Variants in MGAT3 observed in about 807,000 individuals in gnomAD.
MGAT3 encodes beta-1,4-mannosyl-glycoprotein 4-beta-N-acetylglucosaminyltransferase, also known as GlcNAc-T III.
Under a neutral mutation model 29.8 loss-of-function variants are expected in MGAT3, and 9 were observed. The ratio of observed to expected loss-of-function variants is 0.30; its 90% CI spans 0.18 to 0.53. The LOEUF is 0.53. Ranked by LOEUF, MGAT3 falls within the 20% of genes least tolerant of loss-of-function variation. The probability of loss-of-function intolerance (pLI) is 0.96; values close to 1 mark genes in which losing one functional copy is unlikely to be tolerated. For synonymous variants in MGAT3, 397 were observed against 348.9 expected (o/e 1.14, Z -1.54); for missense variants, 557 against 769.5 (o/e 0.72, Z 3.27).
At chr22:39,471,377 G>T (rs933113452) in intron 1 of MGAT3, among the ~76,000 whole-genome samples, 2 of 152,160 alleles carry the variant, frequency 1.3e-5, no homozygotes, top group Non-Finnish European at 2.9e-5. Context: ...TTGCGGAGGG[G>T]CTGGCAACAG....
intron 1 of MGAT3, among the ~76,000 whole-genome samples, chr22:39,481,619 C>G (rs1006048038): frequency 1.3e-5 from 2 of 152,180 alleles, no homozygotes; most frequent in African/African-American, 4.8e-5. Context: ...CAGGGCTGCA[C>G]CATCCACTGG....
chr22:39,476,944 A>C (rs1855801921), intron 1 of MGAT3: 1 of 152,118 alleles, frequency 6.6e-6, no homozygotes, highest in Non-Finnish European at 1.5e-5. Flanking sequence ...TTGTTTCTTC[A>C]GTCTCGCCGG....
chr22:39,475,708 A>C (rs1928939269), intron 1 of MGAT3: 1 of 152,468 alleles, frequency 6.6e-6, no homozygotes, highest in Non-Finnish European at 1.5e-5. Flanking sequence ...CCATCTCTCC[A>C]GCGGTGCTGG....
At position 39,488,120 on chromosome 22, in the gene MGAT3, C is replaced by T. The variant is rs1929339228; in HGVS notation, c.773C>T (p.Thr258Ile). The change falls in exon 2 of 2, where the codon ACC becomes ATC. Residue 258 changes from threonine (T) to isoleucine (I), a missense_variant. Thr to Ile is a moderately conservative substitution (Grantham distance 89). This residue lies in a region of MGAT3 where 243 missense variants were observed against 444.0 expected (regional missense o/e 0.55). Coordinates refer to ENST00000341184, the MANE Select transcript of MGAT3 (RefSeq NM_002409.5). ...CCGCTCAAGTTCCGGGAGATGCTGA[C>T]CAATGGCACCTTCGAGTACATCCGC... ...PRPLKFREML[T>I]NGTFEYIRHK... is the part of the protein sequence containing the mutation. 1.2e-6 allele frequency: 2 copies of T among 1,612,998 alleles called. No individual in the cohort carries two copies. Among genetic ancestry groups the T allele is most frequent in the East Asian group, 2.2e-5 (1 of 44,864 alleles).
Position 39,488,926 on chromosome 22 carries a change from A to G in MGAT3, c.1579A>G (p.Lys527Glu), listed in dbSNP as rs369517346. Reference sequence around the variant, plus strand: ...CGAGGGAAGGCCGCCCGCCCGGGGCAAACTGGACGAGGCGGAAGTCTAGAG... The same window carrying G: ...CGAGGGAAGGCCGCCCGCCCGGGGCGAACTGGACGAGGCGGAAGTCTAGAG... The part of the protein sequence containing the change: ...GPEGRPPARG[K>E]LDEAEV The change falls in exon 2 of 2, where the codon AAA becomes GAA. Residue 527 changes from lysine (K) to glutamate (E), a missense_variant. Lys to Glu is a moderately conservative substitution (Grantham distance 56). Coordinates refer to ENST00000341184, the MANE Select transcript of MGAT3 (RefSeq NM_002409.5). The G allele has an allele frequency of 6.2e-7, 1 of 1,605,676 alleles. No individual in the cohort carries two copies. Among genetic ancestry groups the G allele is most frequent in the African/African-American group, 1.3e-5 (1 of 74,720 alleles).
Position 39,488,896 on chromosome 22 carries a change from G to C in MGAT3, c.1549G>C (p.Gly517Arg). The part of the protein sequence containing the change: ...STAAGGWRHR[G>R]PEGRPPARGK... ...GGCGGCGGGCGGGTGGCGCCACAGGGGTCCCGAGGGAAGGCCGCCCGCCCG... is the reference window on the plus strand; with the variant it reads ...GGCGGCGGGCGGGTGGCGCCACAGGCGTCCCGAGGGAAGGCCGCCCGCCCG... The change falls in exon 2 of 2, where the codon GGT becomes CGT. Residue 517 changes from glycine to arginine, a missense_variant. Physicochemically the swap from Gly to Arg is moderately radical, Grantham distance 125. Coordinates refer to ENST00000341184, the MANE Select transcript of MGAT3 (RefSeq NM_002409.5). The C allele has an allele frequency of 6.2e-7, 1 of 1,601,230 alleles. No individual in the cohort carries two copies. Among genetic ancestry groups the C allele is most frequent in the Admixed American group, 1.7e-5 (1 of 58,176 alleles).
intron 1 of MGAT3, among the ~76,000 whole-genome samples, chr22:39,461,268 G>A (rs752120197): frequency 1.8e-4 from 28 of 152,156 alleles, no homozygotes; most frequent in Non-Finnish European, 3.4e-4. Flanking sequence ...GAGAGTGTTG[G>A]TCAGCTAGAT....
intron 1 of MGAT3, among the ~76,000 whole-genome samples, chr22:39,485,156 C>T (rs1049989391): frequency 2.6e-5 from 4 of 152,118 alleles, no homozygotes; most frequent in African/African-American, 9.7e-5. Flanking sequence ...TCAGTGGGTT[C>T]CCCCCGGACA....
In MGAT3 at chr22:39,462,412, A is replaced by T. The variant is rs3788554; in HGVS notation, c.-2+4855A>T. Among the ~76,000 whole-genome samples, 76 of 152,376 alleles carry T rather than the reference A, an allele frequency of 5.0e-4. 3 individuals carry two copies. The East Asian group carries it at 0.014, about 28-fold the overall frequency. The stretch of plus-strand genomic sequence containing the variant: ...ATGGATGAATGGATGAATGAATGAA[A>T]GAATGAATGAATGAGTGAATGAATA... On this transcript the variant is annotated intron_variant, in intron 1 of 1. Coordinates refer to ENST00000341184, the MANE Select transcript of MGAT3 (RefSeq NM_002409.5).
chr22:39,464,990 C>T (rs540414269), intron 1 of MGAT3, among the ~76,000 whole-genome samples: 4 of 151,702 alleles, frequency 2.6e-5, no homozygotes, highest in Non-Finnish European at 4.4e-5. Flanking sequence ...CTCCTGACCT[C>T]GTGATCTGCC....
chr22:39,463,510 C>G (rs1928553503), intron 1 of MGAT3, among the ~76,000 whole-genome samples: 1 of 152,212 alleles, frequency 6.6e-6, no homozygotes, highest in African/African-American at 2.4e-5. Context: ...TGGGCCCTGT[C>G]TCTGGAACGC....
Position 39,457,736 on chromosome 22 carries a change from G to C in MGAT3, c.-2+179G>C, listed in dbSNP as rs368594204. ...GGCCCGGAGGCCGCGGTGGGGGCGG[G>C]ATGCCGGGGAAGCCGCTCGGCGCGG... On this transcript the variant is annotated intron_variant, in intron 1 of 1. Coordinates refer to ENST00000341184, the MANE Select transcript of MGAT3 (RefSeq NM_002409.5). This position sits in a 1 kb window ranked among gnomAD's most constrained non-coding sequence, Gnocchi z 6.8. Among the ~76,000 whole-genome samples, 5,677 of 150,618 alleles carry C rather than the reference G, an allele frequency of 0.038. 287 individuals are homozygous for C. The highest frequency in any genetic ancestry group is 0.12 in the East Asian group (622 of 5,082).
At chr22:39,461,904 C>CT (rs112513722) in intron 1 of MGAT3, among the ~76,000 whole-genome samples, 1,769 of 146,976 alleles carry the variant, frequency 0.012, 36 homozygotes, top group East Asian at 0.042. Flanking sequence ...CTGACCCACT[C>CT]TTTTTTTTTT....
chr22:39,459,965 C>T (rs1036184079), intron 1 of MGAT3, among the ~76,000 whole-genome samples: 2 of 152,228 alleles, frequency 1.3e-5, no homozygotes, highest in South Asian at 2.1e-4. Flanking sequence ...TGGACGTGAA[C>T]GGCAGAGAGC....
rs1601732559 is a variant in MGAT3 at position 39,489,315 on chromosome 22, T to G, written c.*366T>G. On this transcript the variant is annotated 3_prime_UTR_variant, in exon 2 of 2. Coordinates refer to ENST00000341184, the MANE Select transcript of MGAT3 (RefSeq NM_002409.5). ...ATCTCACCAGGCAGCCTCTGGGGGG[T>G]GGCCAGGCCGGGAAAAAGCCCACCA... is the stretch of plus-strand genomic sequence containing the variant. The G allele has an allele frequency of 3.7e-6, 1 of 268,602 alleles. No individual in the cohort carries two copies. 16.6% of individuals were successfully genotyped at this position (268,602 alleles called of 1,614,324 possible). A position where few individuals can be genotyped will look rare whatever the true frequency, so the allele number is the denominator to read the frequency against.
Position 39,488,868 on chromosome 22 carries a change from CACG to C in MGAT3, c.1522_1524del (p.Thr508del). 6.2e-7 allele frequency: 1 copy of C among 1,603,380 alleles called. No individual in the cohort carries two copies. The highest frequency in any genetic ancestry group is 8.5e-7 in the Non-Finnish European group (1 of 1,175,370). ...ACAACCCCTACCAGGAGCCCAGGAG[CACG>C]GCGGCGGGCGGGTGGCGCCACAGGG... On this transcript the variant is annotated inframe_deletion, in exon 2 of 2. Coordinates refer to ENST00000341184, the MANE Select transcript of MGAT3 (RefSeq NM_002409.5).
At chr22:39,480,823 G>A (rs1032970450) in intron 1 of MGAT3, among the ~76,000 whole-genome samples, 2 of 152,242 alleles carry the variant, frequency 1.3e-5, no homozygotes, top group African/African-American at 4.8e-5. Context: ...TTCTTCCAGT[G>A]CCTGGGGCCA....
intron 1 of MGAT3, among the ~76,000 whole-genome samples, chr22:39,478,199 G>A (rs542596076): frequency 4.3e-4 from 65 of 152,360 alleles, no homozygotes; most frequent in African/African-American, 1.4e-3. Context: ...GGTAGTGCGG[G>A]TCCACCCCAA....
intron 1 of MGAT3, among the ~76,000 whole-genome samples, chr22:39,475,164 T>C (rs546041851): frequency 1.3e-5 from 2 of 149,728 alleles, no homozygotes; most frequent in Non-Finnish European, 3.0e-5. Context: ...TGTAGAAGCT[T>C]TCCTTCCAAC....
Sources: gnomAD v4.1 joint callset for allele counts (sites outside exome capture counted in the v4.1 genomes callset) on GRCh38, gnomAD v4.1.1 for gene constraint, gnomAD v4.1.1 regional missense constraint, Gnocchi (gnomAD v3.1) non-coding constraint, MANE v1.5 for transcripts, NCBI Gene and HGNC (gene_info 2026-07-23, HGNC 2026-07-21) for gene names.